The following RAB27A variants were observed in gnomAD, a reference collection of about 807,000 sequenced individuals.
The protein encoded by RAB27A is ras-related protein Rab-27A.
Under a neutral mutation model 20.8 loss-of-function variants are expected in RAB27A, and 17 were observed. That is an observed-to-expected ratio of 0.82 (90% CI 0.56 to 1.23). RAB27A has a LOEUF of 1.23. RAB27A is among the 50% of genes most tolerant of loss of function. The pLI, the probability that RAB27A is intolerant of heterozygous loss-of-function variation, is 0.00. For missense variants in RAB27A, 277 were observed against 266.7 expected (o/e 1.04, Z -0.27); for synonymous variants, 85 against 92.8 (o/e 0.92, Z 0.48).
intron 3 of RAB27A, 51 bp downstream of exon 3, chr15:55,234,731 C>T (rs1335844877): frequency 1.3e-6 from 2 of 1,547,594 alleles, no homozygotes; most frequent in African/African-American, 2.7e-5. Flanking sequence ...AACAGACCAG[C>T]AAATGTTGAC....
chr15:55,296,234 C>T (rs1015095836), intron 2 of RAB27A, among the ~76,000 whole-genome samples: 13 of 148,908 alleles, frequency 8.7e-5, no homozygotes, highest in Non-Finnish European at 1.8e-4. Flanking sequence ...GGGCCTGACG[C>T]GGTGGCTCAC....
intron 2 of RAB27A, among the ~76,000 whole-genome samples, chr15:55,266,938 A>G (rs1045930873): frequency 1.3e-5 from 2 of 152,230 alleles, no homozygotes; most frequent in Non-Finnish European, 2.9e-5. Flanking sequence ...TTTTAGTGTC[A>G]TCAACATAAT....
rs1158703162 is a variant in RAB27A, at chr15:55,302,694, G to A, written c.-112+11345C>T. The stretch of plus-strand genomic sequence containing the variant: ...GAGCGTCTCTGCCCGGCCGCCCATC[G>A]TCTGAGATGTGGGGAGCGCCTCTGC... On this transcript the variant is annotated intron_variant, in intron 2 of 5. Transcript: ENST00000563262. 1.4e-3 allele frequency among the ~76,000 whole-genome samples: 156 copies of A among 108,366 alleles called. 1 individual carries two copies. The highest frequency in any genetic ancestry group is 7.1e-3 in the African/African-American group (143 of 20,016). The allele number at this position is 108,366 out of a possible 152,430, so 71.1% of individuals were successfully genotyped here. A position where few individuals can be genotyped will look rare whatever the true frequency, so the allele number is the denominator to read the frequency against.
chr15:55,277,345 T>C (rs1463905690), intron 1 of RAB27A, among the ~76,000 whole-genome samples: 1 of 152,166 alleles, frequency 6.6e-6, no homozygotes, highest in African/African-American at 2.4e-5. Flanking sequence ...CGTCCACGTA[T>C]AACTTTGGTA....
chr15:55,209,002 T>C (rs75226582), intron 6 of RAB27A, among the ~76,000 whole-genome samples: 7,016 of 152,318 alleles, frequency 0.046, 215 homozygotes, highest in Non-Finnish European at 0.07. Flanking sequence ...ATTGTATCTG[T>C]AAGAAAATTT....
intron 2 of RAB27A, among the ~76,000 whole-genome samples, chr15:55,239,247 T>C (rs1319470066): frequency 6.6e-6 from 1 of 152,204 alleles, no homozygotes; most frequent in East Asian, 1.9e-4. Context: ...GTAAAATTGT[T>C]TTTACTGGTT....
chr15:55,272,309 G>A (rs775305373), intron 1 of RAB27A, among the ~76,000 whole-genome samples: 1 of 152,188 alleles, frequency 6.6e-6, no homozygotes, highest in East Asian at 1.9e-4. Context: ...TGAGGCAGGA[G>A]AATGCCGTGA....
At chr15:55,256,043 C>T (rs1897066725) in intron 2 of RAB27A, among the ~76,000 whole-genome samples, 1 of 152,098 alleles carries the variant, frequency 6.6e-6, no homozygotes, top group Non-Finnish European at 1.5e-5. Flanking sequence ...ATGTGAAATG[C>T]ATTTTATAAA....
rs1467215419 is a variant in RAB27A, at chr15:55,234,753, A to AT, written c.153+28dup. 5.7e-6 allele frequency: 9 copies of AT among 1,588,810 alleles called. No homozygotes were observed. The South Asian group carries it at 9.9e-5, about 18-fold the overall frequency. On this transcript the variant is annotated intron_variant, in intron 3 of 6. Coordinates refer to ENST00000336787, the MANE Select transcript of RAB27A (RefSeq NM_183235.3). Reference sequence around the variant, plus strand: ...CAGCAAATGTTGACTTAACGATTACATTTTTACATAGAAGGATATAGAACT... The same window carrying AT: ...CAGCAAATGTTGACTTAACGATTACATTTTTTACATAGAAGGATATAGAACT...
At chr15:55,272,398 C>CA (rs563275822) in intron 1 of RAB27A, among the ~76,000 whole-genome samples, 4 of 151,912 alleles carry the variant, frequency 2.6e-5, no homozygotes, top group African/African-American at 9.7e-5. Context: ...GACTCCGTCT[C>CA]AAAAAAACAA....
chr15:55,276,812 C>T (rs1897886896), intron 1 of RAB27A, among the ~76,000 whole-genome samples: 1 of 152,098 alleles, frequency 6.6e-6, no homozygotes, highest in Non-Finnish European at 1.5e-5. Flanking sequence ...GTTAATTGTT[C>T]TTACCACACA....
chr15:55,238,194 C>T (rs1896339227), intron 2 of RAB27A: 1 of 152,140 alleles, frequency 6.6e-6, no homozygotes, highest in Non-Finnish European at 1.5e-5. Context: ...ACCTTCCACT[C>T]TCTGGGTTCA....
chr15:55,270,239 T>C lies in RAB27A; in HGVS notation c.-97A>G, dbSNP rs891075352. On this transcript the variant is annotated 5_prime_UTR_variant, in exon 2 of 7. Coordinates refer to ENST00000336787, the MANE Select transcript of RAB27A (RefSeq NM_183235.3). ...CTGGAGTTACCAATGCTTCAACAAT[T>C]GACAACTTCCAATCACATGTCCTCT... 2.6e-5 allele frequency: 4 copies of C among 152,338 alleles called. No homozygotes were observed. Among genetic ancestry groups the C allele is most frequent in the South Asian group, 2.1e-4 (1 of 4,828 alleles). 9.4% of individuals were successfully genotyped at this position (152,338 alleles called of 1,614,324 possible).
At chr15:55,300,878 T>C (rs2054969050) in intron 2 of RAB27A, among the ~76,000 whole-genome samples, 1 of 152,068 alleles carries the variant, frequency 6.6e-6, no homozygotes, top group South Asian at 2.1e-4. Context: ...CCCAGTGATT[T>C]AAATAGCTGT....
rs1894604106 is a variant in RAB27A at position 55,205,576 on chromosome 15, C to T, written c.597G>A (p.Val199=). 2 of 1,614,168 alleles carry T rather than the reference C, an allele frequency of 1.2e-6. No homozygotes were observed. The highest frequency in any genetic ancestry group is 1.1e-5 in the South Asian group (1 of 91,084). The change falls in exon 7 of 7, where the codon GTG becomes GTA. Residue 199 remains valine (V), a synonymous_variant. Coordinates refer to ENST00000336787, the MANE Select transcript of RAB27A (RefSeq NM_183235.3). ...VDKSWIPEGV[V]RSNGHASTDQ... is the part of the protein sequence containing the mutation. ...CCGTAGAGGCATGACCATTTGATCG[C>T]ACCACTCCTTCAGGAATCCAGGACT...
intron 2 of RAB27A, among the ~76,000 whole-genome samples, chr15:55,247,994 C>T (rs552473807): frequency 3.4e-5 from 5 of 148,562 alleles, no homozygotes; most frequent in Admixed American, 2.7e-4. Context: ...AGTGCAGTGG[C>T]GCAATCTCTG....
chr15:55,305,821 C>T (rs1284973326), intron 2 of RAB27A, among the ~76,000 whole-genome samples: 1 of 152,120 alleles, frequency 6.6e-6, no homozygotes, highest in Non-Finnish European at 1.5e-5. Flanking sequence ...TTCCATGTCA[C>T]CATTTATTTC....
chr15:55,205,443 T>C lies in RAB27A; in HGVS notation c.*64A>G, dbSNP rs1894593462. The C allele has an allele frequency of 1.3e-6, 2 of 1,495,700 alleles. No individual in the cohort carries two copies. The highest frequency in any genetic ancestry group is 1.9e-6 in the Non-Finnish European group (2 of 1,073,026). The allele number at this position is 1,495,700 out of a possible 1,614,324, so 92.7% of individuals were successfully genotyped here. ...CCCATTAATCTCTCACTGTGCCATG[T>C]ATCAATCATAGAGAAGATCCCAGGC... is the stretch of plus-strand genomic sequence containing the variant. On this transcript the variant is annotated 3_prime_UTR_variant, in exon 7 of 7. Coordinates refer to ENST00000336787, the MANE Select transcript of RAB27A (RefSeq NM_183235.3).
intron 1 of RAB27A, among the ~76,000 whole-genome samples, chr15:55,318,536 C>A (rs1422072781): frequency 6.6e-6 from 1 of 150,950 alleles, no homozygotes; most frequent in Non-Finnish European, 1.5e-5. Context: ...AACCCCGTCT[C>A]TACAAAAAAA....
Sources: gnomAD v4.1 joint callset for allele counts (sites outside exome capture counted in the v4.1 genomes callset) on GRCh38, gnomAD v4.1.1 for gene constraint, MANE v1.5 for transcripts, NCBI Gene and HGNC (gene_info 2026-07-23, HGNC 2026-07-21) for gene names.